The following ZHX2 variants were observed in gnomAD, a reference collection of about 807,000 sequenced individuals.
ZHX2 encodes zinc fingers and homeoboxes protein 2.
ZHX2 carries 6 observed loss-of-function variants against 21.9 expected under a neutral mutation model. The ratio of observed to expected loss-of-function variants is 0.27; its 90% CI spans 0.15 to 0.54. The LOEUF is 0.54. Among genes scored for constraint, ZHX2 ranks in the 20% least tolerant of loss-of-function variants. The pLI is 0.95. For missense variants in ZHX2, 908 were observed against 1,090.7 expected (o/e 0.83, Z 2.36); for synonymous variants, 434 against 437.1 (o/e 0.99, Z 0.09).
At chr8:122,878,917 A>C (rs1263381522) in intron 2 of ZHX2, among the ~76,000 whole-genome samples, 1 of 152,116 alleles carries the variant, frequency 6.6e-6, no homozygotes, top group Admixed American at 6.5e-5. Flanking sequence ...CATTTAAGTC[A>C]GTATCTGTGT....
At chr8:122,846,101 T>C (rs974884372) in intron 1 of ZHX2, among the ~76,000 whole-genome samples, 1 of 152,098 alleles carries the variant, frequency 6.6e-6, no homozygotes, top group Non-Finnish European at 1.5e-5. Context: ...ACGTAGAGCA[T>C]CTAAAGACAG....
chr8:122,821,086 C>G (rs1426941940), intron 1 of ZHX2, among the ~76,000 whole-genome samples: 2 of 152,296 alleles, frequency 1.3e-5, no homozygotes, highest in Admixed American at 6.5e-5. Context: ...GCCACACAGC[C>G]GTTCACATCT....
At chr8:122,923,646 C>T (rs1383201025) in intron 2 of ZHX2, among the ~76,000 whole-genome samples, 1 of 152,204 alleles carries the variant, frequency 6.6e-6, no homozygotes, top group African/African-American at 2.4e-5. Flanking sequence ...CCACACCCAC[C>T]TGCCTGCTGG....
At chr8:122,815,252 A>G (rs1267273695) in intron 1 of ZHX2, among the ~76,000 whole-genome samples, 2 of 152,246 alleles carry the variant, frequency 1.3e-5, no homozygotes, top group Non-Finnish European at 2.9e-5. Flanking sequence ...CAATAGGCAC[A>G]GTGCCTAGAG....
intron 2 of ZHX2, among the ~76,000 whole-genome samples, chr8:122,901,141 T>G (rs191899548): frequency 2.6e-5 from 4 of 152,240 alleles, no homozygotes; most frequent in African/African-American, 7.2e-5. Flanking sequence ...GTAATACACG[T>G]GGTATTTGTC....
intron 2 of ZHX2, among the ~76,000 whole-genome samples, chr8:122,870,754 G>C (rs574720599): frequency 6.6e-6 from 1 of 151,672 alleles, no homozygotes; most frequent in Non-Finnish European, 1.5e-5. Flanking sequence ...GATGGTGGCT[G>C]TTCCGATGGC....
chr8:122,944,450 A>G (rs1390669761), intron 2 of ZHX2, among the ~76,000 whole-genome samples: 1 of 152,140 alleles, frequency 6.6e-6, no homozygotes, highest in Non-Finnish European at 1.5e-5. Flanking sequence ...AATTAAGTAT[A>G]GCCTCCTCTC....
intron 1 of ZHX2, among the ~76,000 whole-genome samples, chr8:122,811,649 A>G (rs1339834375): frequency 6.6e-6 from 1 of 152,184 alleles, no homozygotes; most frequent in African/African-American, 2.4e-5. Flanking sequence ...TGAGTTGAGA[A>G]ATGGTCCGTG....
intron 2 of ZHX2, among the ~76,000 whole-genome samples, chr8:122,920,952 G>A (rs1432466941): frequency 2.0e-5 from 3 of 152,152 alleles, no homozygotes; most frequent in East Asian, 3.9e-4. Context: ...TAGATCCCTT[G>A]CTCGTATGTG....
chr8:122,857,293 G>A (rs1246934738), intron 1 of ZHX2, among the ~76,000 whole-genome samples: 1 of 150,686 alleles, frequency 6.6e-6, no homozygotes, highest in Non-Finnish European at 1.5e-5. Flanking sequence ...AAGAGTTGTT[G>A]AAAGAATGAA....
chr8:122,867,045 C>T (rs149131947), intron 2 of ZHX2, among the ~76,000 whole-genome samples: 1 of 150,994 alleles, frequency 6.6e-6, no homozygotes, highest in African/African-American at 2.4e-5. Flanking sequence ...GTTGGCCAGG[C>T]GGGTCTCGAA....
At chr8:122,809,075 G>A (rs573054562) in intron 1 of ZHX2, 3 of 152,384 alleles carry the variant, frequency 2.0e-5, no homozygotes, top group South Asian at 2.1e-4. Context: ...CAGAAGCTGT[G>A]AGGTTCTTGG....
chr8:122,936,204 G>A (rs1812685626), intron 2 of ZHX2, among the ~76,000 whole-genome samples: 1 of 152,206 alleles, frequency 6.6e-6, no homozygotes, highest in South Asian at 2.1e-4. Context: ...GCCTCTCACA[G>A]TTCACTCCCA....
chr8:122,854,177 G>A (rs1818972945), intron 1 of ZHX2, among the ~76,000 whole-genome samples: 3 of 152,154 alleles, frequency 2.0e-5, no homozygotes, highest in Admixed American at 6.5e-5. Context: ...TCCAATGCAG[G>A]GCCACATACC....
intron 3 of ZHX2, among the ~76,000 whole-genome samples, chr8:122,961,122 G>T (rs1813431474): frequency 6.6e-6 from 1 of 152,224 alleles, no homozygotes; most frequent in South Asian, 2.1e-4. Flanking sequence ...CTGGAGACTA[G>T]ATGTTCAAGC....
At chr8:122,858,720 A>G (rs1390528247) in intron 1 of ZHX2, among the ~76,000 whole-genome samples, 1 of 145,306 alleles carries the variant, frequency 6.9e-6, no homozygotes, top group Admixed American at 7.2e-5. Context: ...GGCTCACTGC[A>G]ACCTCCATCT....
At chr8:122,827,368 T>C (rs75444946) in intron 1 of ZHX2, among the ~76,000 whole-genome samples, 362 of 152,304 alleles carry the variant, frequency 2.4e-3, no homozygotes, top group African/African-American at 8.4e-3. Context: ...TACCGAGGAT[T>C]GTTATTCATT....
In ZHX2 at chr8:122,828,601, T is replaced by C. The variant is rs1818310390; in HGVS notation, c.-282-34876T>C. 6.6e-6 allele frequency among the ~76,000 whole-genome samples: 1 copy of C among 152,196 alleles called. No homozygotes were observed. The highest frequency in any genetic ancestry group is 2.1e-4 in the South Asian group (1 of 4,828). ...AGAGAGCTCCTCATGCTCTGTGTAATAACTAGGCGGGGCCATGGGCTGTGG... is the reference window on the plus strand; with the variant it reads ...AGAGAGCTCCTCATGCTCTGTGTAACAACTAGGCGGGGCCATGGGCTGTGG... On this transcript the variant is annotated intron_variant, in intron 1 of 3. Coordinates refer to ENST00000314393, the MANE Select transcript of ZHX2 (RefSeq NM_014943.5). This position sits in a 1 kb window ranked among gnomAD's most constrained non-coding sequence, Gnocchi z 5.2.
At chr8:122,956,612 G>T (rs1362944391) in intron 3 of ZHX2, among the ~76,000 whole-genome samples, 1 of 152,178 alleles carries the variant, frequency 6.6e-6, no homozygotes, top group Non-Finnish European at 1.5e-5. Flanking sequence ...TGCCACTGGT[G>T]AGAAACCAAA....
Sources: allele counts gnomAD v4.1 joint callset (sites outside exome capture counted in the v4.1 genomes callset), GRCh38; gene constraint gnomAD v4.1.1; non-coding constraint Gnocchi (gnomAD v3.1); transcripts MANE v1.5; gene names NCBI Gene and HGNC (gene_info 2026-07-23, HGNC 2026-07-21).